The following ANKRD42 variants were observed in gnomAD, a reference collection of about 807,000 sequenced individuals.
The protein encoded by ANKRD42 is ankyrin repeat domain-containing protein 42.
Under a neutral mutation model 51.5 loss-of-function variants are expected in ANKRD42, and 43 were observed. The observed-to-expected ratio is 0.83, with a 90% confidence interval of 0.65 to 1.08. The LOEUF (loss-of-function observed/expected upper bound fraction) is 1.08, where lower values mean the gene tolerates loss of function less well. Among genes scored for constraint, ANKRD42 ranks in the 50% least tolerant of loss-of-function variants. ANKRD42 has a pLI of 0.00. For missense variants in ANKRD42, 608 were observed against 629.3 expected (o/e 0.97, Z 0.36); for synonymous variants, 203 against 213.0 (o/e 0.95, Z 0.41).
chr11:83,201,171 C>T (rs1231692147), intron 2 of ANKRD42, among the ~76,000 whole-genome samples: 1 of 152,066 alleles, frequency 6.6e-6, no homozygotes, highest in African/African-American at 2.4e-5. Context: ...CCCGACAGGC[C>T]CCAGTGTGTG....
At chr11:83,198,769 T>A in intron 2 of ANKRD42, 127 bp downstream of exon 2, 2 of 853,922 alleles carry the variant, frequency 2.3e-6, no homozygotes, top group Non-Finnish European at 3.3e-6. Context: ...ATAGTCAGTT[T>A]AATATTTGGG....
chr11:83,193,806 C>A lies in ANKRD42; in HGVS notation c.-865C>A, dbSNP rs539799212. The stretch of plus-strand genomic sequence containing the variant: ...ACTCCGAGAAAGTACCAGCGGAAGG[C>A]GGCCGCCGCTACGGCGATTCGCAGG... On this transcript the variant is annotated 5_prime_UTR_variant, in exon 1 of 11. Transcript: ENST00000533342. 2 of 454,450 alleles carry A rather than the reference C, an allele frequency of 4.4e-6. No individual in the cohort carries two copies. The highest frequency in any genetic ancestry group is 3.1e-5 in the South Asian group (2 of 64,428). 28.2% of individuals were successfully genotyped at this position (454,450 alleles called of 1,614,324 possible).
chr11:83,260,583 C>T (rs147782410), downstream of ANKRD42: 1 of 152,314 alleles, frequency 6.6e-6, no homozygotes, highest in African/African-American at 2.4e-5. Context: ...AATCTCTTGA[C>T]TGCTCTATAC....
At chr11:83,250,135 T>G (rs1863648655), downstream of ANKRD42, among the ~76,000 whole-genome samples, 1 of 152,178 alleles carries the variant, frequency 6.6e-6, no homozygotes, top group Admixed American at 6.5e-5. Context: ...TCGTTCAGGA[T>G]TATAAATACG....
downstream of ANKRD42, among the ~76,000 whole-genome samples, chr11:83,264,245 T>C (rs1326446673): frequency 6.6e-6 from 1 of 152,234 alleles, no homozygotes; most frequent in Non-Finnish European, 1.5e-5. Context: ...TAGGGAATAC[T>C]GTGCTTTCTA....
Position 83,245,528 on chromosome 11 carries a change from G to A in ANKRD42, c.1226G>A (p.Arg409Lys). 6.5e-7 allele frequency: 1 copy of A among 1,536,482 alleles called. No homozygotes were observed. Among genetic ancestry groups the A allele is most frequent in the South Asian group, 1.2e-5 (1 of 84,054 alleles). The change falls in exon 10 of 11, where the codon AGA becomes AAA. Residue 409 changes from arginine to lysine, a missense_variant. Transcript: ENST00000533342. ...GCTTACAAGAAAATTGTAGAATTGAGACACCTCCTGGAAATTGCCGAGAGC... is the reference window on the plus strand; with the variant it reads ...GCTTACAAGAAAATTGTAGAATTGAAACACCTCCTGGAAATTGCCGAGAGC... ...MRAYKKIVEL[R>K]HLLEIAESNY...
chr11:83,204,186 A>G (rs1022075160), intron 2 of ANKRD42, among the ~76,000 whole-genome samples: 2 of 151,834 alleles, frequency 1.3e-5, no homozygotes, highest in African/African-American at 4.8e-5. Context: ...TAAATGATCC[A>G]CCTGCCACAG....
intron 1 of ANKRD42, among the ~76,000 whole-genome samples, chr11:83,196,396 AGAGTGT>A (rs1205085363): frequency 3.0e-5 from 4 of 133,036 alleles, no homozygotes; most frequent in African/African-American, 5.4e-5. Context: ...TGAGTGTGTG[AGAGTGT>A]GTGTGTGTGT....
intron 11 of ANKRD42, among the ~76,000 whole-genome samples, chr11:83,254,682 A>G (rs1041224424): frequency 6.6e-6 from 1 of 152,168 alleles, no homozygotes; most frequent in African/African-American, 2.4e-5. Context: ...TGGCCTCCCA[A>G]AGTGCTGGGA....
At chr11:83,203,254 C>T (rs1861940603) in intron 2 of ANKRD42, among the ~76,000 whole-genome samples, 1 of 151,982 alleles carries the variant, frequency 6.6e-6, no homozygotes, top group African/African-American at 2.4e-5. Context: ...CTTGGCCTCC[C>T]AATAGGGATT....
chr11:83,235,255 G>T (rs941784777), intron 7 of ANKRD42, among the ~76,000 whole-genome samples: 1 of 152,180 alleles, frequency 6.6e-6, no homozygotes, highest in East Asian at 1.9e-4. Context: ...GGAATTGAGG[G>T]ATGGAAGAAG....
intron 2 of ANKRD42, among the ~76,000 whole-genome samples, chr11:83,202,081 G>A (rs1048100175): frequency 3.7e-4 from 57 of 152,202 alleles, no homozygotes; most frequent in Admixed American, 2.0e-4. Context: ...GCTATGTCCA[G>A]AATGGTATTG....
In ANKRD42 at chr11:83,247,984, T is replaced by C. The variant is rs748788269; in HGVS notation, c.1364T>C (p.Leu455Pro). The change falls in exon 11 of 11, where the codon CTA (leucine) becomes CCA (proline). Residue 455 changes from leucine to proline, a missense_variant. Leu to Pro is a moderately conservative substitution (Grantham distance 98). Coordinates refer to ENST00000533342, the MANE Select transcript of ANKRD42 (RefSeq NM_001300975.2). ...CAGGGCCAGCTGGAGTATGAACGAC[T>C]ACGTAGAGAAAAATTAGAATGTCAG... ...ELQGQLEYERLRREKLECQLD... is the reference protein window; with the variant it reads ...ELQGQLEYERPRREKLECQLD... 1.2e-6 allele frequency: 2 copies of C among 1,613,970 alleles called. No homozygotes were observed. The highest frequency in any genetic ancestry group is 4.5e-5 in the East Asian group (2 of 44,872).
chr11:83,203,814 A>G (rs570739899), intron 2 of ANKRD42, among the ~76,000 whole-genome samples: 94 of 152,358 alleles, frequency 6.2e-4, no homozygotes, highest in Non-Finnish European at 1.1e-3. Flanking sequence ...AATAATTGGT[A>G]AAAAACCATG....
intron 6 of ANKRD42, 70 bp from the exon 7 acceptor site, chr11:83,227,677 A>G (rs758413904): frequency 1.3e-5 from 20 of 1,494,280 alleles, no homozygotes; most frequent in Non-Finnish European, 1.8e-5. Context: ...CCTGAAATAT[A>G]TGACAGCTTA....
At chr11:83,205,515 T>C (rs1445667824) in intron 2 of ANKRD42, among the ~76,000 whole-genome samples, 2 of 152,248 alleles carry the variant, frequency 1.3e-5, no homozygotes, top group Non-Finnish European at 2.9e-5. Flanking sequence ...CTTTAAGTAC[T>C]GTATTATATT....
intron 3 of ANKRD42, among the ~76,000 whole-genome samples, chr11:83,207,735 A>G (rs1862131730): frequency 6.6e-6 from 1 of 152,276 alleles, no homozygotes; most frequent in Admixed American, 6.5e-5. Context: ...TAAGCAAGTG[A>G]CAGAGCTAGG....
chr11:83,243,996 T>A (rs1443277496), intron 9 of ANKRD42, among the ~76,000 whole-genome samples: 34 of 107,412 alleles, frequency 3.2e-4, no homozygotes, highest in Non-Finnish European at 5.2e-4. Context: ...TTTTTTTTTT[T>A]ATTGAGACAA....
intron 5 of ANKRD42, among the ~76,000 whole-genome samples, chr11:83,211,869 A>G (rs1862335031): frequency 6.6e-6 from 1 of 152,088 alleles, no homozygotes; most frequent in Admixed American, 6.5e-5. Flanking sequence ...AGTAGTATAT[A>G]TGTTGACATG....
Sources: allele counts gnomAD v4.1 joint callset (sites outside exome capture counted in the v4.1 genomes callset), GRCh38; gene constraint gnomAD v4.1.1; transcripts MANE v1.5; gene names NCBI Gene and HGNC (gene_info 2026-07-23, HGNC 2026-07-21).